The following SV2C variants were observed in gnomAD, a reference collection of about 807,000 sequenced individuals.
SV2C encodes solute carrier family 22 member B3.
SV2C carries 49 observed loss-of-function variants against 79.7 expected under a neutral mutation model. The ratio of observed to expected loss-of-function variants is 0.61; its 90% confidence interval spans 0.49 to 0.78. The LOEUF (loss-of-function observed/expected upper bound fraction) is 0.78. Among genes scored for constraint, SV2C ranks in the 30% least tolerant of loss-of-function variants. SV2C has a pLI of 0.00. For missense variants in SV2C, 833 were observed against 912.9 expected (o/e 0.91, Z 1.13); for synonymous variants, 334 against 333.2 (o/e 1.00, Z -0.03).
chr5:76,018,038 A>G, the SV2C span, among the ~76,000 whole-genome samples: 10 of 152,246 alleles, frequency 6.6e-5, no homozygotes, highest in African/African-American at 2.4e-4. Context: ...TGGTTGTGGC[A>G]GTGGCAGTGT....
chr5:76,282,515 C>G (rs1747229233), intron 4 of SV2C, among the ~76,000 whole-genome samples: 1 of 152,222 alleles, frequency 6.6e-6, no homozygotes, highest in South Asian at 2.1e-4. Context: ...AAAAAGTCAA[C>G]CTGTTTTTGT....
In SV2C at chr5:76,305,543, G is replaced by A. The variant is rs141854675; in HGVS notation, c.2000+3998G>A. Among the ~76,000 whole-genome samples, 7 of 152,266 alleles carry A rather than the reference G, an allele frequency of 4.6e-5. 1 individual carries two copies. The East Asian group carries it at 1.4e-3, about 29-fold the overall frequency. The stretch of plus-strand genomic sequence containing the variant: ...GTCTCTGCTAAATCTGCATAGTCCA[G>A]ATACTTGTTTCACTCTTCCTTATCT... On this transcript the variant is annotated intron_variant, in intron 12 of 12. Transcript: ENST00000502798.
rs1235745857 is a variant in SV2C, at chr5:76,259,594, C to T, written c.914-25568C>T. 2.0e-5 allele frequency among the ~76,000 whole-genome samples: 3 copies of T among 151,794 alleles called. No individual in the cohort carries two copies. In the East Asian group the frequency reaches 5.8e-4, roughly 29 times the overall value. ...AGGTATTTGTCCTAATGCTCTCCCT[C>T]CCCTCACTCCCCACCCCCAACAAAC... On this transcript the variant is annotated intron_variant, in intron 4 of 12. Coordinates refer to ENST00000502798, the MANE Select transcript of SV2C (RefSeq NM_014979.4).
chr5:75,934,168 C>A, the SV2C span, among the ~76,000 whole-genome samples: 3 of 152,122 alleles, frequency 2.0e-5, no homozygotes, highest in Non-Finnish European at 4.4e-5. Flanking sequence ...CCCAGATGAT[C>A]TGATTGCAGG....
chr5:76,266,521 C>T (rs1215993523), intron 4 of SV2C, among the ~76,000 whole-genome samples: 2 of 152,176 alleles, frequency 1.3e-5, no homozygotes, highest in African/African-American at 4.8e-5. Flanking sequence ...ATATGTGAAT[C>T]TTGAAGACAT....
intron 4 of SV2C, among the ~76,000 whole-genome samples, chr5:76,228,363 A>C (rs1049153042): frequency 5.3e-5 from 8 of 152,168 alleles, no homozygotes; most frequent in Admixed American, 2.6e-4. Flanking sequence ...TGGTGACCCC[A>C]GAGTTGGTCT....
At chr5:75,986,096 C>T in the SV2C span, among the ~76,000 whole-genome samples, 2 of 144,632 alleles carry the variant, frequency 1.4e-5, no homozygotes, top group Admixed American at 1.4e-4. Flanking sequence ...TTGTGGTAGG[C>T]CATTATTCGG....
intron 2 of SV2C, among the ~76,000 whole-genome samples, chr5:76,143,519 T>C (rs1749326108): frequency 6.6e-6 from 1 of 152,180 alleles, no homozygotes; most frequent in Non-Finnish European, 1.5e-5. Context: ...ATGTGAGCAG[T>C]GCTTCCCAGG....
chr5:76,232,430 C>G (rs1346178436), intron 4 of SV2C, among the ~76,000 whole-genome samples: 1 of 146,032 alleles, frequency 6.8e-6, no homozygotes, highest in Admixed American at 6.8e-5. Context: ...TGTGCAGAAG[C>G]TCTTTAGTTT....
chr5:75,887,207 T>G, the SV2C span, among the ~76,000 whole-genome samples: 2 of 152,164 alleles, frequency 1.3e-5, no homozygotes, highest in African/African-American at 4.8e-5. Context: ...TATCATTTTT[T>G]TGTGTTGAGA....
At chr5:76,023,937 C>A in the SV2C span, among the ~76,000 whole-genome samples, 1 of 151,432 alleles carries the variant, frequency 6.6e-6, no homozygotes, top group Non-Finnish European at 1.5e-5. Flanking sequence ...ACACTAGATA[C>A]CAGTAGCACT....
exon 13 of SV2C, chr5:76,353,340 T>C: frequency 4.6e-6 from 1 of 216,378 alleles, no homozygotes; most frequent in Non-Finnish European, 9.6e-6. Flanking sequence ...TATTGTTGTC[T>C]TTTTTCTCTC....
At chr5:75,981,620 G>C in the SV2C span, among the ~76,000 whole-genome samples, 1 of 152,060 alleles carries the variant, frequency 6.6e-6, no homozygotes, top group Non-Finnish European at 1.5e-5. Context: ...ATGGGGAAAG[G>C]ACTCCCTATT....
Position 76,300,746 on chromosome 5 carries a change from T to C in SV2C, c.1654T>C (p.Phe552Leu), listed in dbSNP as rs1747962458. ...FDNTDFEPYK[F>L]IDSEFKNCSF... ...TTCTACAGATTTTGAGCCATATAAATTCATTGACAGTGAATTTAAAAACTG... is the reference window on the plus strand; with the variant it reads ...TTCTACAGATTTTGAGCCATATAAACTCATTGACAGTGAATTTAAAAACTG... The change falls in exon 11 of 13, where the codon TTC becomes CTC. Residue 552 changes from phenylalanine (F) to leucine (L), a missense_variant. By Grantham distance (22) the Phe-to-Leu change is conservative. Coordinates refer to ENST00000502798, the MANE Select transcript of SV2C (RefSeq NM_014979.4). The C allele has an allele frequency of 6.2e-7, 1 of 1,614,100 alleles. No individual in the cohort carries two copies. Among genetic ancestry groups the C allele is most frequent in the East Asian group, 2.2e-5 (1 of 44,884 alleles).
At chr5:76,180,555 C>T (rs1743688373) in intron 2 of SV2C, among the ~76,000 whole-genome samples, 1 of 152,200 alleles carries the variant, frequency 6.6e-6, no homozygotes, top group Non-Finnish European at 1.5e-5. Flanking sequence ...TGTTCCAGTT[C>T]TTTTCAGTCC....
rs148310711 is a variant in SV2C, at chr5:76,101,820, T to C, written c.-102+18308T>C. 1.0e-3 allele frequency among the ~76,000 whole-genome samples: 153 copies of C among 152,286 alleles called. 1 individual carries two copies. Among genetic ancestry groups the C allele is most frequent in the Admixed American group, 4.1e-3 (63 of 15,292 alleles). Reference sequence around the variant, plus strand: ...ATGTCTCTGCTATGAAGAACTTTTTTTGGTAAATTTATTCATTGGAGAGAG... The same window carrying C: ...ATGTCTCTGCTATGAAGAACTTTTTCTGGTAAATTTATTCATTGGAGAGAG... On this transcript the variant is annotated intron_variant, in intron 1 of 12. Coordinates refer to ENST00000502798, the MANE Select transcript of SV2C (RefSeq NM_014979.4).
At chr5:75,991,592 TA>T in the SV2C span, among the ~76,000 whole-genome samples, 1 of 145,012 alleles carries the variant, frequency 6.9e-6, no homozygotes, top group Non-Finnish European at 1.5e-5. Flanking sequence ...TATACACACA[TA>T]TATATATATA....
chr5:76,011,362 C>A, the SV2C span, among the ~76,000 whole-genome samples: 2 of 152,208 alleles, frequency 1.3e-5, 1 homozygote, highest in Non-Finnish European at 2.9e-5. Flanking sequence ...TTCTCCCATT[C>A]TGGAGATGAG....
chr5:76,310,360 C>A (rs1208120848), intron 12 of SV2C, among the ~76,000 whole-genome samples: 3 of 152,132 alleles, frequency 2.0e-5, no homozygotes, highest in Non-Finnish European at 4.4e-5. Flanking sequence ...AAGACCCAGG[C>A]AGACATCTGG....
Sources: gnomAD v4.1 joint callset for allele counts (sites outside exome capture counted in the v4.1 genomes callset) on GRCh38, gnomAD v4.1.1 for gene constraint, MANE v1.5 for transcripts, NCBI Gene and HGNC (gene_info 2026-07-23, HGNC 2026-07-21) for gene names.